GMPS: variants seen among roughly 807,000 people sequenced by gnomAD.
The protein encoded by GMPS is GMP synthase [glutamine-hydrolyzing].
Under a neutral mutation model 77.9 loss-of-function variants are expected in GMPS, and 15 were observed. That is an observed-to-expected ratio of 0.19 (90% CI 0.13 to 0.30). GMPS has a LOEUF of 0.30. Among genes scored for constraint, GMPS ranks in the 10% least tolerant of loss-of-function variants. The pLI, the probability that GMPS is intolerant of heterozygous loss-of-function variation, is 1.00. For missense variants in GMPS, 590 were observed against 838.8 expected (o/e 0.70, Z 3.66); for synonymous variants, 224 against 275.9 (o/e 0.81, Z 1.86).
In GMPS at chr3:155,939,790, T is replaced by C. The variant is rs1253209388; in HGVS notation, c.*2098T>C. 1.5e-5 allele frequency: 3 copies of C among 197,360 alleles called. No individual in the cohort carries two copies. Among genetic ancestry groups the C allele is most frequent in the Non-Finnish European group, 3.2e-5 (3 of 95,206 alleles). The allele number at this position is 197,360 out of a possible 1,614,324, so 12.2% of individuals were successfully genotyped here. The stretch of plus-strand genomic sequence containing the variant: ...AGAAATTTCCTAATATTTAGCACAC[T>C]GTCTTCTTTTGCACAGCACTTTTTG... On this transcript the variant is annotated 3_prime_UTR_variant, in exon 16 of 16. Coordinates refer to ENST00000496455, the MANE Select transcript of GMPS (RefSeq NM_003875.3).
At chr3:155,912,789 C>T (rs1755074437) in intron 7 of GMPS, among the ~76,000 whole-genome samples, 1 of 152,020 alleles carries the variant, frequency 6.6e-6, no homozygotes. Flanking sequence ...GGGAAGGAAG[C>T]CAATAAAAAG....
Position 155,910,877 on chromosome 3 carries a change from A to G in GMPS, c.712A>G (p.Lys238Glu). The G allele has an allele frequency of 6.4e-7, 1 of 1,573,408 alleles. No individual in the cohort carries two copies. Among genetic ancestry groups the G allele is most frequent in the East Asian group, 2.2e-5 (1 of 44,470 alleles). The change falls in exon 6 of 16, where the codon AAA becomes GAA. Residue 238 changes from lysine to glutamate, a missense_variant. Lys to Glu is a moderately conservative substitution (Grantham distance 56). This residue lies in a region of GMPS where 181 missense variants were observed against 186.8 expected (regional missense o/e 0.97). Coordinates refer to ENST00000496455, the MANE Select transcript of GMPS (RefSeq NM_003875.3). ...GATCAAAGAGAGAGTAGGCACGTCA[A>G]AAGTTTTGGTAAGCAAATTATTATC... The part of the protein sequence containing the change: ...REIKERVGTS[K>E]VLVLLSGGVD...
chr3:155,872,843 A>G (rs1257881258), intron 1 of GMPS, among the ~76,000 whole-genome samples: 1 of 152,236 alleles, frequency 6.6e-6, no homozygotes, highest in Admixed American at 6.5e-5. Context: ...AATATATTTC[A>G]TCAAATCTAT....
At chr3:155,900,033 A>T (rs1754696856) in intron 3 of GMPS, among the ~76,000 whole-genome samples, 1 of 152,190 alleles carries the variant, frequency 6.6e-6, no homozygotes, top group African/African-American at 2.4e-5. Context: ...CGTCTTGGTG[A>T]CTTCCAAGTT....
rs887466555 is a variant in GMPS at position 155,938,769 on chromosome 3, A to G, written c.*1077A>G. 9.6e-6 allele frequency: 2 copies of G among 209,102 alleles called. No individual in the cohort carries two copies. Among genetic ancestry groups the G allele is most frequent in the Non-Finnish European group, 1.9e-5 (2 of 102,770 alleles). The allele number at this position is 209,102 out of a possible 1,614,324, so 13.0% of individuals were successfully genotyped here. A position where few individuals can be genotyped will look rare whatever the true frequency, so the allele number is the denominator to read the frequency against. On this transcript the variant is annotated 3_prime_UTR_variant, in exon 16 of 16. Coordinates refer to ENST00000496455, the MANE Select transcript of GMPS (RefSeq NM_003875.3). ...TTTGCCAAACTTTGTAATCCTTTCT[A>G]CTAGCTATAAGAGAGGATTTAAGAA...
chr3:155,927,991 A>G (rs142175257), intron 12 of GMPS, among the ~76,000 whole-genome samples: 60 of 138,576 alleles, frequency 4.3e-4, no homozygotes, highest in African/African-American at 1.5e-3. Context: ...TTTATGTAGG[A>G]TCATTTTATG....
At chr3:155,910,088 T>A (rs1275327937) in intron 5 of GMPS, among the ~76,000 whole-genome samples, 8 of 146,094 alleles carry the variant, frequency 5.5e-5, no homozygotes, top group Non-Finnish European at 1.2e-4. Flanking sequence ...ACTAAAAATA[T>A]AAAAGAAATA....
chr3:155,918,010 T>C (rs1241919293), intron 9 of GMPS, among the ~76,000 whole-genome samples: 1 of 152,258 alleles, frequency 6.6e-6, no homozygotes, highest in African/African-American at 2.4e-5. Flanking sequence ...TAGTTCTCTT[T>C]TTAATTTTTT....
At chr3:155,936,643 T>A (rs3772113) in intron 15 of GMPS, 133 bp downstream of exon 15, 490,666 of 539,802 alleles carry the variant, frequency 0.91, 223,435 homozygotes, top group East Asian at 0.96. Context: ...CTTTTTTTTT[T>A]AAATTTTCAC....
At chr3:155,924,961 A>G (rs1755412691) in intron 11 of GMPS, among the ~76,000 whole-genome samples, 1 of 152,228 alleles carries the variant, frequency 6.6e-6, no homozygotes, top group Non-Finnish European at 1.5e-5. Flanking sequence ...AAGCATTAAG[A>G]TAATATTTGA....
At chr3:155,909,416 C>T (rs1754974187) in intron 5 of GMPS, among the ~76,000 whole-genome samples, 1 of 152,056 alleles carries the variant, frequency 6.6e-6, no homozygotes, top group African/African-American at 2.4e-5. Flanking sequence ...CAACTGAGAA[C>T]CAAAATTGAA....
rs1755847568 is a variant in GMPS, at chr3:155,939,794, T to G, written c.*2102T>G. 1.5e-5 allele frequency: 3 copies of G among 198,250 alleles called. No individual in the cohort carries two copies. The highest frequency in any genetic ancestry group is 6.9e-5 in the African/African-American group (3 of 43,406). The allele number at this position is 198,250 out of a possible 1,614,324, so 12.3% of individuals were successfully genotyped here. ...ATTTCCTAATATTTAGCACACTGTC[T>G]TCTTTTGCACAGCACTTTTTGCTTT... On this transcript the variant is annotated 3_prime_UTR_variant, in exon 16 of 16. Coordinates refer to ENST00000496455, the MANE Select transcript of GMPS (RefSeq NM_003875.3).
chr3:155,893,817 G>T (rs980493846), intron 2 of GMPS, 118 bp downstream of exon 2: 27 of 584,506 alleles, frequency 4.6e-5, no homozygotes, highest in Admixed American at 3.8e-5. Context: ...ATGGTTTTAT[G>T]AGAAATTTCC....
In GMPS at chr3:155,925,277, A is replaced by G. The variant is rs781246952; in HGVS notation, c.1471A>G (p.Thr491Ala). ...ATTACAGAGAGTCAAAGCCTGCACA[A>G]CAGAAGAGGATCAGGAGAAGCTGAT... ...TLLQRVKACT[T>A]EEDQEKLMQI... is the part of the protein sequence containing the mutation. The change falls in exon 12 of 16, where the codon ACA becomes GCA. Residue 491 changes from threonine (T) to alanine (A), a missense_variant. Thr to Ala is a moderately conservative substitution (Grantham distance 58, BLOSUM62 0). Transcript: ENST00000496455. 3 of 1,612,932 alleles carry G rather than the reference A, an allele frequency of 1.9e-6. No individual in the cohort carries two copies. The highest frequency in any genetic ancestry group is 3.3e-4 in the Middle Eastern group (2 of 6,060).
chr3:155,918,486 T>C (rs1230293901), intron 9 of GMPS, among the ~76,000 whole-genome samples: 1 of 152,122 alleles, frequency 6.6e-6, no homozygotes, highest in Non-Finnish European at 1.5e-5. Context: ...GTCATCCTAG[T>C]GTATATGAAG....
rs564174269 is a variant in GMPS at position 155,940,307 on chromosome 3, C to T, written c.*2615C>T. 3 of 202,896 alleles carry T rather than the reference C, an allele frequency of 1.5e-5. No individual in the cohort carries two copies. Among genetic ancestry groups the T allele is most frequent in the Non-Finnish European group, 3.0e-5 (3 of 99,056 alleles). The allele number at this position is 202,896 out of a possible 1,614,324, so 12.6% of individuals were successfully genotyped here. A position where few individuals can be genotyped will look rare whatever the true frequency, so the allele number is the denominator to read the frequency against. On this transcript the variant is annotated 3_prime_UTR_variant, in exon 16 of 16. Coordinates refer to ENST00000496455, the MANE Select transcript of GMPS (RefSeq NM_003875.3). ...AAGGCCACATCTATGATCATCAGCT[C>T]TGTTAGAAATAACAGCCTGGCATAA... is the stretch of plus-strand genomic sequence containing the variant.
intron 1 of GMPS, among the ~76,000 whole-genome samples, chr3:155,873,638 C>CTTTTT (rs58365650): frequency 2.4e-5 from 2 of 82,576 alleles, no homozygotes; most frequent in South Asian, 8.2e-4. Context: ...TGAGTAAGTT[C>CTTTTT]TTTTTTTTTT....
chr3:155,902,822 C>T (rs549654779), intron 3 of GMPS, among the ~76,000 whole-genome samples: 1 of 152,306 alleles, frequency 6.6e-6, no homozygotes, highest in South Asian at 2.1e-4. Flanking sequence ...TCTTAAATTG[C>T]ATATTAGTTA....
intron 4 of GMPS, among the ~76,000 whole-genome samples, chr3:155,905,193 C>T (rs542364251): frequency 1.3e-5 from 2 of 151,826 alleles, no homozygotes; most frequent in East Asian, 1.9e-4. Flanking sequence ...TTAGTAGAGA[C>T]GGAGTTTCAC....
Sources: allele counts gnomAD v4.1 joint callset (sites outside exome capture counted in the v4.1 genomes callset), GRCh38; gene constraint gnomAD v4.1.1; regional missense constraint gnomAD v4.1.1; transcripts MANE v1.5; gene names NCBI Gene and HGNC (gene_info 2026-07-23, HGNC 2026-07-21).